The following SOX5 variants were observed in gnomAD, a reference collection of about 807,000 sequenced individuals.
The protein encoded by SOX5 is SRY-box transcription factor 5.
A neutral mutation model predicts 92.0 loss-of-function variants in SOX5; 9 were observed. That is an observed-to-expected ratio of 0.10 (90% confidence interval 0.06 to 0.17). The LOEUF is 0.17. SOX5 is among the 10% of genes least tolerant of loss of function. The probability of loss-of-function intolerance (pLI) is 1.00; values close to 1 mark genes in which losing one functional copy is unlikely to be tolerated. For missense variants in SOX5, 642 were observed against 944.5 expected, an observed-to-expected ratio of 0.68 and a Z score of 4.20; for synonymous variants, 344 against 336.3, an observed-to-expected ratio of 1.02 and a Z score of -0.25.
rs117597889 is a variant in SOX5 at position 24,123,843 on chromosome 12, C to T, written c.-2+89500G>A. ...GGATATGAAGTTCTTCCTCAAACAT[C>T]CTCCCTGTATTGAGCACCAGGGTTG... On this transcript the variant is annotated intron_variant, in intron 4 of 4. Coordinates refer to the SOX5 transcript ENST00000446891. Among the ~76,000 whole-genome samples, 859 of 152,290 alleles carry T rather than the reference C, an allele frequency of 5.6e-3. 5 individuals carry two copies. The highest frequency in any genetic ancestry group is 8.8e-3 in the Non-Finnish European group (599 of 68,014).
intron 3 of SOX5, among the ~76,000 whole-genome samples, chr12:24,272,993 G>T (rs1406428627): frequency 1.3e-5 from 2 of 152,186 alleles, no homozygotes; most frequent in African/African-American, 4.8e-5. Context: ...AGCACTTTGG[G>T]ATGCCAAGGC....
intron 6 of SOX5, among the ~76,000 whole-genome samples, chr12:23,730,448 G>A (rs990493630): frequency 1.1e-4 from 17 of 152,136 alleles, no homozygotes; most frequent in Non-Finnish European, 5.9e-5. Flanking sequence ...TAGAAAAGTG[G>A]ACATGTTCTT....
chr12:24,114,749 C>G (rs1179633214), intron 4 of SOX5, among the ~76,000 whole-genome samples: 2 of 151,854 alleles, frequency 1.3e-5, no homozygotes, highest in Non-Finnish European at 2.9e-5. Flanking sequence ...CAAGACCAGC[C>G]TGGGCAATGC....
chr12:24,552,830 C>G (rs959249346), intron 1 of SOX5, among the ~76,000 whole-genome samples: 5 of 152,080 alleles, frequency 3.3e-5, no homozygotes, highest in Admixed American at 2.0e-4. Context: ...TGAAACCCCA[C>G]CTCTACACAA....
intron 2 of SOX5, among the ~76,000 whole-genome samples, chr12:24,341,749 G>A (rs1464552994): frequency 2.6e-5 from 4 of 152,096 alleles, no homozygotes; most frequent in Admixed American, 6.5e-5. Flanking sequence ...TTCTCTGTCC[G>A]CTTCAGGAAG....
At chr12:23,889,337 T>A (rs1456028959) in intron 2 of SOX5, among the ~76,000 whole-genome samples, 1 of 152,194 alleles carries the variant, frequency 6.6e-6, no homozygotes, top group Non-Finnish European at 1.5e-5. Flanking sequence ...AAGGCCCTAT[T>A]CTGTGACTTA....
At chr12:24,484,682 G>A (rs1946337033) in intron 1 of SOX5, among the ~76,000 whole-genome samples, 1 of 152,122 alleles carries the variant, frequency 6.6e-6, no homozygotes, top group Non-Finnish European at 1.5e-5. Flanking sequence ...TGTATGCATC[G>A]TAACAAAACA....
chr12:23,638,216 C>T (rs930136423), intron 8 of SOX5: 1 of 152,238 alleles, frequency 6.6e-6, no homozygotes, highest in South Asian at 2.1e-4. Flanking sequence ...CCTAAGCCCA[C>T]CCACATCTGC....
intron 1 of SOX5, among the ~76,000 whole-genome samples, chr12:24,497,676 T>C (rs1357514367): frequency 6.6e-6 from 1 of 152,182 alleles, no homozygotes; most frequent in East Asian, 1.9e-4. Flanking sequence ...AAATACCACT[T>C]GACCCAGCAA....
chr12:23,923,269 G>C (rs1177530385), intron 1 of SOX5, among the ~76,000 whole-genome samples: 2 of 150,168 alleles, frequency 1.3e-5, no homozygotes, highest in Non-Finnish European at 3.0e-5. Flanking sequence ...CTTCTTAAAG[G>C]ATGAGGTTAA....
intron 6 of SOX5, among the ~76,000 whole-genome samples, chr12:23,699,746 C>T (rs1276238326): frequency 6.6e-6 from 1 of 152,104 alleles, no homozygotes; most frequent in South Asian, 2.1e-4. Flanking sequence ...ATTAGAGATA[C>T]TTTCTTTCAG....
At chr12:24,044,593 C>G (rs1956823855) in intron 4 of SOX5, among the ~76,000 whole-genome samples, 1 of 152,142 alleles carries the variant, frequency 6.6e-6, no homozygotes, top group Admixed American at 6.5e-5. Flanking sequence ...ATATTAGATT[C>G]AAAATGTTAA....
At chr12:23,987,548 T>C (rs1255013832) in intron 4 of SOX5, among the ~76,000 whole-genome samples, 1 of 152,194 alleles carries the variant, frequency 6.6e-6, no homozygotes, top group Non-Finnish European at 1.5e-5. Context: ...ATCCTAGCAC[T>C]TTGGGAAGCC....
chr12:24,208,767 G>A (rs1335773356), intron 4 of SOX5, among the ~76,000 whole-genome samples: 1 of 152,146 alleles, frequency 6.6e-6, no homozygotes, highest in African/African-American at 2.4e-5. Flanking sequence ...GAACAAGACA[G>A]GTTTACTTCC....
chr12:24,546,597 ACT>A (rs145157515), intron 1 of SOX5, among the ~76,000 whole-genome samples: 1 of 151,936 alleles, frequency 6.6e-6, no homozygotes, highest in East Asian at 1.9e-4. Context: ...ACACACTACC[ACT>A]CTCTCAGAGC....
chr12:23,831,999 C>A (rs893280089), intron 3 of SOX5, among the ~76,000 whole-genome samples: 1 of 126,742 alleles, frequency 7.9e-6, no homozygotes, highest in African/African-American at 2.7e-5. Flanking sequence ...CACATGCGCA[C>A]ACTCAGGCAC....
At chr12:24,491,719 A>G (rs1947096443) in intron 1 of SOX5, among the ~76,000 whole-genome samples, 1 of 152,148 alleles carries the variant, frequency 6.6e-6, no homozygotes, top group South Asian at 2.1e-4. Flanking sequence ...ATCCAAGACT[A>G]TCTACTGCAC....
At chr12:23,797,804 A>G (rs1457893486) in intron 3 of SOX5, among the ~76,000 whole-genome samples, 1 of 152,024 alleles carries the variant, frequency 6.6e-6, no homozygotes, top group Non-Finnish European at 1.5e-5. Context: ...CTAGCCTTCG[A>G]TACTGTACAA....
intron 1 of SOX5, among the ~76,000 whole-genome samples, chr12:24,498,786 C>A (rs1947898647): frequency 6.6e-6 from 1 of 152,174 alleles, no homozygotes; most frequent in South Asian, 2.1e-4. Flanking sequence ...TGCTGGTTCA[C>A]AAATCCATAC....
Sources: gnomAD v4.1 joint callset for allele counts (sites outside exome capture counted in the v4.1 genomes callset) on GRCh38, gnomAD v4.1.1 for gene constraint, MANE v1.5 for transcripts, NCBI Gene and HGNC (gene_info 2026-07-23, HGNC 2026-07-21) for gene names.